The following RPN1 variants were observed in gnomAD, a reference collection of about 807,000 sequenced individuals.
RPN1 encodes the protein ribophorin I, also known as dolichyl-diphosphooligosaccharide--protein glycosyltransferase subunit 1.
Under a neutral mutation model 55.5 loss-of-function variants are expected in RPN1, and 12 were observed. The observed-to-expected ratio is 0.22, with a 90% CI of 0.14 to 0.35. RPN1 has a LOEUF of 0.35. Among genes scored for constraint, RPN1 ranks in the 10% least tolerant of loss-of-function variants. The probability of loss-of-function intolerance (pLI) is 1.00; values close to 1 mark genes in which losing one functional copy is unlikely to be tolerated. For missense variants in RPN1, 679 were observed against 761.3 expected (o/e 0.89, Z 1.27); for synonymous variants, 317 against 305.9 (o/e 1.04, Z -0.38).
intron 3 of RPN1, among the ~76,000 whole-genome samples, chr3:128,635,859 AAACTTGTTATGTATAATTTTGTTACATAC>A: frequency 6.6e-6 from 1 of 151,044 alleles, no homozygotes; most frequent in African/African-American, 2.4e-5. Flanking sequence ...TTGTTATATA[AAACTTGTTATGTATAATTTTGTTACATAC>A]AACTTGTTAT....
chr3:128,646,842 A>G (rs2811499), intron 1 of RPN1, among the ~76,000 whole-genome samples: 92,337 of 151,050 alleles, frequency 0.61, 28,354 homozygotes, highest in East Asian at 0.77. Flanking sequence ...GTGTGGTGGC[A>G]GGCACCTTTA....
At position 128,650,700 on chromosome 3, in the gene RPN1, T is replaced by G. The variant is rs1271565415; in HGVS notation, c.101A>C (p.Glu34Ala). The change falls in exon 1 of 10, where the codon GAG becomes GCG. Residue 34 changes from glutamate to alanine, a missense_variant. Physicochemically the swap from Glu to Ala is moderately radical, Grantham distance 107. Around this residue, in one of 3 missense-constraint regions of RPN1, gnomAD observed 352 missense variants for 352.8 expected, o/e 1.00. Transcript: ENST00000296255. ...ASSEAPPLINEDVKRTVDLSS... is the reference protein window; with the variant it reads ...ASSEAPPLINADVKRTVDLSS... ...TAGGTCCACTGTGCGCTTCACGTCC[T>G]CATTGATCAGCGGCGGTGCCTCGGA... 4 of 1,569,972 alleles carry G rather than the reference T, an allele frequency of 2.5e-6. No homozygotes were observed. The highest frequency in any genetic ancestry group is 3.5e-6 in the Non-Finnish European group (4 of 1,157,584).
chr3:128,623,896 A>G (rs2069578666), intron 8 of RPN1, among the ~76,000 whole-genome samples: 1 of 152,098 alleles, frequency 6.6e-6, no homozygotes. Context: ...GTAAGAGAAT[A>G]CCCTTGCTCT....
At chr3:128,623,243 A>T (rs192547468) in intron 8 of RPN1, among the ~76,000 whole-genome samples, 1 of 152,288 alleles carries the variant, frequency 6.6e-6, no homozygotes, top group African/African-American at 2.4e-5. Context: ...CGTCTCTACA[A>T]AAAAATATTT....
At position 128,622,152 on chromosome 3, in the gene RPN1, C is replaced by A; in HGVS notation, c.1641+12G>T. On this transcript the variant is annotated intron_variant, in intron 9 of 9. Transcript: ENST00000296255. ...CCCCAAGCCAAGCAACTCTGTGACG[C>A]CCGACACTTACTCTGTCGCACAGAT... is the stretch of plus-strand genomic sequence containing the variant. 2 of 1,613,288 alleles carry A rather than the reference C, an allele frequency of 1.2e-6. No individual in the cohort carries two copies. The highest frequency in any genetic ancestry group is 1.7e-6 in the Non-Finnish European group (2 of 1,179,402).
Position 128,626,009 on chromosome 3 carries a change from G to T in RPN1, c.1140C>A (p.Asn380Lys), listed in dbSNP as rs748264239. Reference sequence around the variant, plus strand: ...TTTCATAGGGACTATCAATTTCAATGTTCCTGGAAGAAGATGGGAATAAAA... The same window carrying T: ...TTTCATAGGGACTATCAATTTCAATTTTCCTGGAAGAAGATGGGAATAAAA... ...VKIILPEGAK[N>K]IEIDSPYEIS... is the part of the protein sequence containing the mutation. Residue 380 changes from asparagine (N) to lysine (K), a missense_variant, in exon 7 of 10, where the codon AAC becomes AAA. By Grantham distance (94) the Asn-to-Lys change is moderately conservative. Coordinates refer to ENST00000296255, the MANE Select transcript of RPN1 (RefSeq NM_002950.4). 2 of 1,596,814 alleles carry T rather than the reference G, an allele frequency of 1.3e-6. No individual in the cohort carries two copies. Among genetic ancestry groups the T allele is most frequent in the African/African-American group, 2.7e-5 (2 of 74,072 alleles).
chr3:128,635,679 ATC>A (rs1296515175), intron 3 of RPN1, among the ~76,000 whole-genome samples: 2,566 of 123,002 alleles, frequency 0.021, 51 homozygotes, highest in Middle Eastern at 0.038. Flanking sequence ...ATCTATAGAT[ATC>A]TATAGATATA....
chr3:128,623,623 T>C (rs1191195432), intron 8 of RPN1, among the ~76,000 whole-genome samples: 1 of 152,164 alleles, frequency 6.6e-6, no homozygotes, highest in Non-Finnish European at 1.5e-5. Context: ...GGTGGGAGGA[T>C]GGCTTGAGCC....
Position 128,622,172 on chromosome 3 carries a change from A to G in RPN1, c.1633T>C (p.Cys545Arg). ...TGACGCCCGACACTTACTCTGTCGC[A>G]CAGATCAGAGCCCTCTGTCTTCAGC... ...SRLKTEGSDL[C>R]DRVSEMQKLD... Residue 545 changes from cysteine to arginine, a missense_variant, in exon 9 of 10, where the codon TGC becomes CGC. Physicochemically the swap from Cys to Arg is radical, Grantham distance 180. This residue lies in a region of RPN1 where 306 missense variants were observed against 360.0 expected (regional missense o/e 0.85). Coordinates refer to ENST00000296255, the MANE Select transcript of RPN1 (RefSeq NM_002950.4). 1.2e-6 allele frequency: 2 copies of G among 1,614,176 alleles called. No homozygotes were observed. The highest frequency in any genetic ancestry group is 1.7e-6 in the Non-Finnish European group (2 of 1,180,000).
At chr3:128,632,997 A>C (rs914686762) in intron 3 of RPN1, among the ~76,000 whole-genome samples, 10 of 152,158 alleles carry the variant, frequency 6.6e-5, no homozygotes, top group African/African-American at 2.4e-4. Context: ...AAAGGACAAG[A>C]TCTATTTTGT....
chr3:128,646,630 G>C (rs550886164), intron 1 of RPN1, among the ~76,000 whole-genome samples: 4 of 151,782 alleles, frequency 2.6e-5, no homozygotes, highest in African/African-American at 9.7e-5. Flanking sequence ...AGGCTGCAGT[G>C]AGCCATGACC....
intron 3 of RPN1, among the ~76,000 whole-genome samples, chr3:128,635,060 G>A (rs528873483): frequency 3.3e-5 from 5 of 152,182 alleles, no homozygotes; most frequent in East Asian, 1.9e-4. Flanking sequence ...CAGTGGGCAC[G>A]TGGGCCCTGG....
At chr3:128,645,129 AT>A (rs948326061) in intron 1 of RPN1, 146 bp from the exon 2 acceptor site, 60 of 607,540 alleles carry the variant, frequency 9.9e-5, no homozygotes, top group African/African-American at 1.5e-4. Flanking sequence ...TTCAGTAACA[AT>A]TTTTTTTTCT....
chr3:128,625,932 C>A lies in RPN1; in HGVS notation c.1217G>T (p.Arg406Leu), dbSNP rs370929298. ...TTTCTTGTAGGCAACAATCACAGGG[C>A]GGCCAAATGTGTCCAGATAGGTGTA... ...LHYTYLDTFG[R>L]PVIVAYKKNL... The change falls in exon 7 of 10, where the codon CGC (arginine) becomes CTC (leucine). Residue 406 changes from arginine to leucine, a missense_variant. Arg to Leu is a moderately radical substitution (Grantham distance 102). This residue lies in a region of RPN1 where 306 missense variants were observed against 360.0 expected (regional missense o/e 0.85). Coordinates refer to ENST00000296255, the MANE Select transcript of RPN1 (RefSeq NM_002950.4). 6.2e-7 allele frequency: 1 copy of A among 1,613,750 alleles called. No homozygotes were observed. Among genetic ancestry groups the A allele is most frequent in the Admixed American group, 1.7e-5 (1 of 59,968 alleles).
chr3:128,650,357 C>A (rs2069807739), intron 1 of RPN1, among the ~76,000 whole-genome samples, 183 bp downstream of exon 1: 1 of 152,152 alleles, frequency 6.6e-6, no homozygotes, highest in African/African-American at 2.4e-5. Context: ...GGCGCCGGGG[C>A]CCCTGGCCAC....
rs1169315474 is a variant in RPN1, at chr3:128,620,150, C to G, written c.*261G>C. 6.3e-6 allele frequency: 2 copies of G among 317,456 alleles called. No individual in the cohort carries two copies. Among genetic ancestry groups the G allele is most frequent in the Admixed American group, 4.9e-5 (1 of 20,212 alleles). 19.7% of individuals were successfully genotyped at this position (317,456 alleles called of 1,614,324 possible). ...GAATACCAATCAAATATTGAAAATT[C>G]CTTTGTTCAAAACACAAAGATGTTT... On this transcript the variant is annotated 3_prime_UTR_variant, in exon 10 of 10. Transcript: ENST00000296255.
At chr3:128,641,395 C>G (rs1376835127) in intron 2 of RPN1, among the ~76,000 whole-genome samples, 1 of 152,036 alleles carries the variant, frequency 6.6e-6, no homozygotes, top group Admixed American at 6.6e-5. Context: ...TGAACTCAAC[C>G]CACCCTACAC....
chr3:128,622,798 G>A (rs562756632), intron 8 of RPN1, among the ~76,000 whole-genome samples: 141 of 152,054 alleles, frequency 9.3e-4, no homozygotes, highest in African/African-American at 3.3e-3. Flanking sequence ...TCAGGAGGCT[G>A]AGGCAGGAGA....
intron 8 of RPN1, 72 bp downstream of exon 8, chr3:128,625,462 G>A: frequency 1.2e-6 from 2 of 1,609,346 alleles, no homozygotes; most frequent in Non-Finnish European, 1.7e-6. Context: ...CTCACTGTGA[G>A]GATCAGTGCT....
Sources: allele counts gnomAD v4.1 joint callset (sites outside exome capture counted in the v4.1 genomes callset), GRCh38; gene constraint gnomAD v4.1.1; regional missense constraint gnomAD v4.1.1; transcripts MANE v1.5; gene names NCBI Gene and HGNC (gene_info 2026-07-23, HGNC 2026-07-21).